GASK1A: variants seen among roughly 807,000 people sequenced by gnomAD.
GASK1A encodes the protein golgi associated kinase 1A.
GASK1A carries 40 observed loss-of-function variants against 41.2 expected under a neutral mutation model. That is an observed-to-expected ratio of 0.97 (90% CI 0.75 to 1.27). GASK1A has a LOEUF of 1.27. Ranked by LOEUF, GASK1A falls within the 50% of genes most tolerant of loss-of-function variation. GASK1A has a pLI of 0.00. For missense variants in GASK1A, 678 were observed against 745.1 expected, an observed-to-expected ratio of 0.91 and a Z score of 1.05; for synonymous variants, 316 against 307.1, an observed-to-expected ratio of 1.03 and a Z score of -0.30.
chr3:42,999,855 G>C (rs913760638), intron 1 of GASK1A, among the ~76,000 whole-genome samples: 2 of 152,174 alleles, frequency 1.3e-5, no homozygotes, highest in African/African-American at 2.4e-5. Context: ...TCTAGCAGCT[G>C]CCTGTGTTAC....
At chr3:43,037,393 A>C in intron 2 of GASK1A, 1 of 965,908 alleles carries the variant, frequency 1.0e-6, no homozygotes, top group Non-Finnish European at 1.7e-6. Context: ...CTAAGTACAG[A>C]CAGCCCTTGC....
Position 43,056,484 on chromosome 3 carries a change from A to C in GASK1A, c.*98A>C. On this transcript the variant is annotated 3_prime_UTR_variant, in exon 5 of 5. Coordinates refer to ENST00000430121, the MANE Select transcript of GASK1A (RefSeq NM_001129908.3). ...ACAAATGGGAAAAGCCAGAAGCCAG[A>C]GGGGCACAAGGATGTCACGGGATAT... is the stretch of plus-strand genomic sequence containing the variant. The C allele has an allele frequency of 9.3e-7, 1 of 1,080,336 alleles. No homozygotes were observed. The allele number at this position is 1,080,336 out of a possible 1,614,324, so 66.9% of individuals were successfully genotyped here.
chr3:42,990,892 G>T (rs1453215815), intron 1 of GASK1A, among the ~76,000 whole-genome samples: 1 of 152,198 alleles, frequency 6.6e-6, no homozygotes, highest in Non-Finnish European at 1.5e-5. Flanking sequence ...GGGGTAAGGG[G>T]CCGGACCCAA....
chr3:43,038,835 C>T (rs1312305208), intron 2 of GASK1A, among the ~76,000 whole-genome samples: 1 of 152,158 alleles, frequency 6.6e-6, no homozygotes, highest in South Asian at 2.1e-4. Flanking sequence ...CCCCTGCCCA[C>T]GAGGACTAAG....
At chr3:43,041,137 G>A (rs570073855) in intron 2 of GASK1A, among the ~76,000 whole-genome samples, 3,266 of 149,444 alleles carry the variant, frequency 0.022, 56 homozygotes, top group Non-Finnish European at 0.035. Flanking sequence ...TTGGACATTT[G>A]GGTTGGTTCC....
intron 1 of GASK1A, among the ~76,000 whole-genome samples, chr3:43,001,486 T>C (rs2089408842): frequency 6.6e-6 from 1 of 152,252 alleles, no homozygotes; most frequent in Non-Finnish European, 1.5e-5. Flanking sequence ...AGCAGGCTTA[T>C]GCAGCCTCCA....
At chr3:43,024,261 A>G (rs2089535535) in intron 1 of GASK1A, among the ~76,000 whole-genome samples, 1 of 152,094 alleles carries the variant, frequency 6.6e-6, no homozygotes, top group Admixed American at 6.5e-5. Context: ...TATCACCTAT[A>G]GCCCAGAGCC....
chr3:43,010,014 G>A (rs2089455480), intron 1 of GASK1A, among the ~76,000 whole-genome samples: 1 of 152,194 alleles, frequency 6.6e-6, no homozygotes, highest in Admixed American at 6.5e-5. Flanking sequence ...TTGTAATGCA[G>A]CACAATTTTT....
chr3:42,991,488 C>A (rs2089340457), intron 1 of GASK1A, among the ~76,000 whole-genome samples: 1 of 152,204 alleles, frequency 6.6e-6, no homozygotes, highest in Admixed American at 6.5e-5. Context: ...CACTGGTAAT[C>A]TTGCATACAC....
intron 2 of GASK1A, among the ~76,000 whole-genome samples, chr3:43,045,886 G>A (rs2089660264): frequency 6.6e-6 from 1 of 152,168 alleles, no homozygotes; most frequent in Non-Finnish European, 1.5e-5. Context: ...TCTCCTTCCT[G>A]CCACCTTGTG....
intron 1 of GASK1A, among the ~76,000 whole-genome samples, chr3:43,011,569 A>C (rs2089463797): frequency 6.6e-6 from 1 of 152,204 alleles, no homozygotes. Flanking sequence ...TGGCTGTGTG[A>C]AGTCACAGAA....
At chr3:43,019,787 C>G (rs2089512373) in intron 1 of GASK1A, among the ~76,000 whole-genome samples, 1 of 151,756 alleles carries the variant, frequency 6.6e-6, no homozygotes, top group African/African-American at 2.4e-5. Context: ...CACACACACA[C>G]ACCCCATCAC....
At chr3:42,992,222 G>A (rs922465312) in intron 1 of GASK1A, among the ~76,000 whole-genome samples, 6 of 152,110 alleles carry the variant, frequency 3.9e-5, no homozygotes, top group African/African-American at 1.4e-4. Flanking sequence ...GACTGTAATT[G>A]TCGTAATATC....
chr3:43,033,351 G>T lies in GASK1A; in HGVS notation c.1088G>T (p.Gly363Val), dbSNP rs761851087. The T allele has an allele frequency of 1.9e-6, 3 of 1,551,290 alleles. No individual in the cohort carries two copies. In the African/African-American group the frequency reaches 4.1e-5, roughly 21 times the overall value. ...CTCCTGCCCTACCGATACACAGACG[G>T]TGGAGCAAGGCCTGTCATCTGGTGG... The part of the protein sequence containing the change: ...SPLLPYRYTD[G>V]GARPVIWWAP... Residue 363 changes from glycine (G) to valine (V), a missense_variant, in exon 2 of 5, where the codon GGT becomes GTT. Gly to Val is a moderately radical substitution (Grantham distance 109). Transcript: ENST00000430121.
chr3:43,033,407 G>C lies in GASK1A; in HGVS notation c.1144G>C (p.Asp382His). 6.4e-7 allele frequency: 1 copy of C among 1,551,610 alleles called. No homozygotes were observed. Among genetic ancestry groups the C allele is most frequent in the Non-Finnish European group, 8.7e-7 (1 of 1,147,008 alleles). Residue 382 changes from aspartate (D) to histidine (H), a missense_variant, in exon 2 of 5, where the codon GAT (aspartate) becomes CAT (histidine). Coordinates refer to ENST00000430121, the MANE Select transcript of GASK1A (RefSeq NM_001129908.3). ...APDVQHLSDP[D>H]EDQNSLALGW... ...CGATGTGCAGCACCTGAGCGACCCA[G>C]ATGAGGATCAGAACTCTCTGGCCTT...
chr3:43,043,919 A>G (rs1319730805), intron 2 of GASK1A, among the ~76,000 whole-genome samples: 1 of 152,202 alleles, frequency 6.6e-6, no homozygotes, highest in Non-Finnish European at 1.5e-5. Flanking sequence ...TCTTCTGTAG[A>G]AAAAACCAAC....
intron 1 of GASK1A, among the ~76,000 whole-genome samples, chr3:42,983,084 T>C (rs1486721998): frequency 6.6e-6 from 1 of 152,052 alleles, no homozygotes; most frequent in Non-Finnish European, 1.5e-5. Flanking sequence ...CATCATAGAA[T>C]TGAGGGATGT....
chr3:43,017,762 G>A (rs2089500377), intron 1 of GASK1A, among the ~76,000 whole-genome samples: 1 of 151,516 alleles, frequency 6.6e-6, no homozygotes, highest in South Asian at 2.1e-4. Flanking sequence ...GCCGTCTGAA[G>A]CCACAGGGAA....
chr3:43,012,258 G>T (rs2089467354), intron 1 of GASK1A, among the ~76,000 whole-genome samples: 1 of 150,248 alleles, frequency 6.7e-6, no homozygotes, highest in East Asian at 2.0e-4. Flanking sequence ...GTCACAGGAA[G>T]GGGCAGTGTG....
Sources: allele counts gnomAD v4.1 joint callset (sites outside exome capture counted in the v4.1 genomes callset), GRCh38; gene constraint gnomAD v4.1.1; transcripts MANE v1.5; gene names NCBI Gene and HGNC (gene_info 2026-07-23, HGNC 2026-07-21).